Variants in GSG1L observed in about 807,000 individuals in gnomAD.
GSG1L encodes the protein germ cell-specific gene 1-like protein.
Under a neutral mutation model 42.1 loss-of-function variants are expected in GSG1L, and 24 were observed. The observed-to-expected ratio is 0.57, with a 90% CI of 0.41 to 0.80. The LOEUF is 0.80. GSG1L is among the 30% of genes least tolerant of loss of function. GSG1L has a pLI of 0.00. For synonymous variants in GSG1L, 215 were observed against 203.5 expected, an observed-to-expected ratio of 1.06 and a Z score of -0.48; for missense variants, 445 against 472.2, an observed-to-expected ratio of 0.94 and a Z score of 0.53.
At chr16:27,814,930 T>C (rs1425281688) in intron 5 of GSG1L, among the ~76,000 whole-genome samples, 2 of 151,902 alleles carry the variant, frequency 1.3e-5, no homozygotes, top group Non-Finnish European at 2.9e-5. Flanking sequence ...GAAGACAGAT[T>C]TACTTTTTTT....
intron 1 of GSG1L, among the ~76,000 whole-genome samples, chr16:28,051,735 A>AGAC (rs2035491969): frequency 6.6e-6 from 1 of 152,212 alleles, no homozygotes; most frequent in Admixed American, 6.5e-5. Flanking sequence ...GCTGCAGCAT[A>AGAC]GACAACGAGG....
At chr16:28,029,919 G>A (rs891379008) in intron 1 of GSG1L, among the ~76,000 whole-genome samples, 12 of 152,146 alleles carry the variant, frequency 7.9e-5, no homozygotes, top group South Asian at 4.1e-4. Context: ...GTTCACGCAC[G>A]CACATGTGGG....
chr16:28,049,170 A>T (rs961671601), intron 1 of GSG1L, among the ~76,000 whole-genome samples: 1 of 152,200 alleles, frequency 6.6e-6, no homozygotes, highest in South Asian at 2.1e-4. Flanking sequence ...AAACCACAAC[A>T]TACACAGGAG....
chr16:27,871,191 T>A (rs550185555), intron 3 of GSG1L, among the ~76,000 whole-genome samples: 1 of 151,872 alleles, frequency 6.6e-6, no homozygotes, highest in African/African-American at 2.4e-5. Flanking sequence ...GGGGAGGGGG[T>A]GCCACTGACA....
At chr16:28,016,610 T>C (rs1038560353) in intron 1 of GSG1L, among the ~76,000 whole-genome samples, 2 of 152,182 alleles carry the variant, frequency 1.3e-5, no homozygotes, top group African/African-American at 2.4e-5. Flanking sequence ...AATGCATGTA[T>C]GGAATGTTAG....
At chr16:27,934,004 T>C (rs1168270906) in intron 2 of GSG1L, among the ~76,000 whole-genome samples, 1 of 152,184 alleles carries the variant, frequency 6.6e-6, no homozygotes, top group African/African-American at 2.4e-5. Flanking sequence ...TCAGCCAGTT[T>C]ATTTGTCCAT....
At chr16:27,894,222 C>T (rs562082227) in intron 2 of GSG1L, among the ~76,000 whole-genome samples, 1 of 152,318 alleles carries the variant, frequency 6.6e-6, no homozygotes, top group East Asian at 1.9e-4. Flanking sequence ...AGCCCATGGA[C>T]TGTTGTGAGG....
chr16:28,008,368 C>G (rs1249164002), intron 1 of GSG1L, among the ~76,000 whole-genome samples: 1 of 152,226 alleles, frequency 6.6e-6, no homozygotes, highest in African/African-American at 2.4e-5. Context: ...GCATAAGCCA[C>G]CACGCCTGGC....
At chr16:27,891,871 G>A (rs1012368728) in intron 2 of GSG1L, among the ~76,000 whole-genome samples, 17 of 137,854 alleles carry the variant, frequency 1.2e-4, no homozygotes, top group Non-Finnish European at 2.0e-4. Flanking sequence ...TGCAGGTACC[G>A]TCAGTGACAG....
At chr16:28,060,321 G>A (rs911957784) in intron 1 of GSG1L, among the ~76,000 whole-genome samples, 2 of 152,104 alleles carry the variant, frequency 1.3e-5, no homozygotes, top group Admixed American at 6.5e-5. Context: ...CAGGACCACC[G>A]TGGTGGAGAA....
chr16:28,040,389 T>G lies in GSG1L; in HGVS notation c.349+22687A>C, dbSNP rs1596723741. ...TCCCATCACTTCTCTTTTCTTTCAC[T>G]GTAATTCTCATGCTCTAAAACCATC... On this transcript the variant is annotated intron_variant, in intron 1 of 6. Coordinates refer to ENST00000447459, the MANE Select transcript of GSG1L (RefSeq NM_001109763.2). The surrounding 1 kb of genome is among the most constrained non-coding windows in gnomAD (Gnocchi z 4.1). Among the ~76,000 whole-genome samples, 1 of 152,214 alleles carries G rather than the reference T, an allele frequency of 6.6e-6. No homozygotes were observed. The highest frequency in any genetic ancestry group is 1.9e-4 in the East Asian group (1 of 5,204).
At chr16:27,978,690 C>CA (rs11409403) in intron 1 of GSG1L, among the ~76,000 whole-genome samples, 1,726 of 90,032 alleles carry the variant, frequency 0.019, 41 homozygotes, top group African/African-American at 0.056. Context: ...GACTCCATCT[C>CA]AAAAAAAAAA....
chr16:28,029,620 G>C (rs1379106191), intron 1 of GSG1L, among the ~76,000 whole-genome samples: 2 of 152,090 alleles, frequency 1.3e-5, no homozygotes, highest in African/African-American at 2.4e-5. Flanking sequence ...TGGATGAATG[G>C]ATGGGTGGGT....
At chr16:27,828,078 C>T (rs1222136218) in intron 5 of GSG1L, among the ~76,000 whole-genome samples, 3 of 152,036 alleles carry the variant, frequency 2.0e-5, no homozygotes, top group Non-Finnish European at 2.9e-5. Context: ...ATCCATCCAT[C>T]CATCCATCCA....
intron 1 of GSG1L, among the ~76,000 whole-genome samples, chr16:27,964,697 C>T (rs991774684): frequency 1.3e-5 from 2 of 152,256 alleles, no homozygotes; most frequent in Non-Finnish European, 2.9e-5. Context: ...CATGTTCTTA[C>T]TTATTTGTGG....
At chr16:27,991,981 G>A (rs989662162) in intron 1 of GSG1L, among the ~76,000 whole-genome samples, 5 of 152,132 alleles carry the variant, frequency 3.3e-5, no homozygotes, top group African/African-American at 7.2e-5. Context: ...GGGGTGGAGC[G>A]TAAGAAAACA....
At chr16:27,844,848 T>TGCCC in intron 4 of GSG1L, 102 bp downstream of exon 4, 2 of 135,614 alleles carry the variant, frequency 1.5e-5, no homozygotes, top group African/African-American at 4.1e-5. Flanking sequence ...CCATTTCTCC[T>TGCCC]CCCCCCCACC....
chr16:27,933,305 C>T (rs1443616785), intron 2 of GSG1L, among the ~76,000 whole-genome samples: 1 of 152,012 alleles, frequency 6.6e-6, no homozygotes, highest in Non-Finnish European at 1.5e-5. Flanking sequence ...TCCATGAGGG[C>T]AGGGCCCTAG....
At chr16:27,819,319 T>C (rs1389155521) in intron 5 of GSG1L, among the ~76,000 whole-genome samples, 1 of 151,660 alleles carries the variant, frequency 6.6e-6, no homozygotes, top group Non-Finnish European at 1.5e-5. Flanking sequence ...TAGAATCGCA[T>C]GGGTTAGCAA....
Sources: allele counts gnomAD v4.1 joint callset (sites outside exome capture counted in the v4.1 genomes callset), GRCh38; gene constraint gnomAD v4.1.1; non-coding constraint Gnocchi (gnomAD v3.1); transcripts MANE v1.5; gene names NCBI Gene and HGNC (gene_info 2026-07-23, HGNC 2026-07-21).